The following GPHN variants were observed in gnomAD, a reference collection of about 807,000 sequenced individuals.
GPHN encodes gephyrin.
GPHN carries 17 observed loss-of-function variants against 95.5 expected under a neutral mutation model. That is an observed-to-expected ratio of 0.18 (90% CI 0.12 to 0.27). GPHN has a LOEUF of 0.27. Among genes scored for constraint, GPHN ranks in the 10% least tolerant of loss-of-function variants. The pLI is 1.00. For synonymous variants in GPHN, 320 were observed against 322.5 expected (o/e 0.99, Z 0.08); for missense variants, 660 against 978.1 (o/e 0.67, Z 4.34).
At chr14:67,390,686 G>A in the GPHN span, 1 of 1,613,516 alleles carries the variant, frequency 6.2e-7, no homozygotes, top group Non-Finnish European at 8.5e-7. Flanking sequence ...TAGTAATGCA[G>A]GAAAGCTGGA....
chr14:67,538,650 G>A, the GPHN span, among the ~76,000 whole-genome samples: 1 of 152,092 alleles, frequency 6.6e-6, no homozygotes, highest in South Asian at 2.1e-4. Flanking sequence ...TTGGCAGCAG[G>A]CACCCTGCTC....
At chr14:67,472,280 C>G in the GPHN span, 1 of 152,344 alleles carries the variant, frequency 6.6e-6, no homozygotes, top group Non-Finnish European at 1.5e-5. Context: ...CTCCATCAGT[C>G]TCCAATGCTG....
At chr14:67,394,523 C>T in the GPHN span, among the ~76,000 whole-genome samples, 1 of 152,196 alleles carries the variant, frequency 6.6e-6, no homozygotes, top group Non-Finnish European at 1.5e-5. Context: ...TGCCTACCCA[C>T]CTTTATCTGC....
the GPHN span, among the ~76,000 whole-genome samples, chr14:67,296,118 G>A: frequency 0.31 from 46,961 of 151,828 alleles, 11,106 homozygotes; most frequent in African/African-American, 0.64. Flanking sequence ...GAGGGGAATG[G>A]TGAGAAGAAG....
At chr14:67,522,763 C>T in the GPHN span, among the ~76,000 whole-genome samples, 2 of 152,218 alleles carry the variant, frequency 1.3e-5, no homozygotes, top group South Asian at 2.1e-4. Flanking sequence ...AAGCCTGGAG[C>T]GGGTGGTGAG....
intron 21 of GPHN, among the ~76,000 whole-genome samples, chr14:67,175,289 T>C (rs1286561747): frequency 6.6e-6 from 1 of 152,242 alleles, no homozygotes; most frequent in African/African-American, 2.4e-5. Flanking sequence ...TTCAGCTTTC[T>C]ACTTATGGCT....
At chr14:66,994,533 A>G (rs1322527456) in intron 9 of GPHN, among the ~76,000 whole-genome samples, 1 of 152,232 alleles carries the variant, frequency 6.6e-6, no homozygotes, top group Non-Finnish European at 1.5e-5. Context: ...CCTCCTCGGA[A>G]CTGACTTTAA....
At chr14:67,627,161 A>G in the GPHN span, among the ~76,000 whole-genome samples, 1 of 151,902 alleles carries the variant, frequency 6.6e-6, no homozygotes, top group African/African-American at 2.4e-5. Flanking sequence ...AATATATTAG[A>G]AAGCACTGAA....
At chr14:67,165,727 G>A (rs959694622) in intron 20 of GPHN, among the ~76,000 whole-genome samples, 2 of 152,148 alleles carry the variant, frequency 1.3e-5, no homozygotes, top group African/African-American at 4.8e-5. Flanking sequence ...GGAAAGGCCA[G>A]GCTACTGGAA....
chr14:67,330,374 C>A, the GPHN span, among the ~76,000 whole-genome samples: 1 of 151,354 alleles, frequency 6.6e-6, no homozygotes, highest in East Asian at 1.9e-4. Context: ...TCCCTCGAAA[C>A]AGTTCTTTAG....
At chr14:66,711,198 C>T (rs1289344505) in intron 2 of GPHN, among the ~76,000 whole-genome samples, 2 of 152,104 alleles carry the variant, frequency 1.3e-5, no homozygotes, top group Non-Finnish European at 1.5e-5. Flanking sequence ...CCCCCTCCAC[C>T]CTTACTCCCA....
intron 2 of GPHN, among the ~76,000 whole-genome samples, chr14:66,740,396 T>C (rs998416975): frequency 1.3e-5 from 2 of 152,142 alleles, no homozygotes; most frequent in African/African-American, 4.8e-5. Context: ...TAGTAAGATA[T>C]GTTATTTATT....
the GPHN span, chr14:67,557,410 G>T: frequency 6.2e-7 from 1 of 1,613,172 alleles, no homozygotes; most frequent in Non-Finnish European, 8.5e-7. Context: ...GGCTCAGCTG[G>T]AGAAGCAGGT....
chr14:67,316,996 C>T, the GPHN span: 2 of 977,000 alleles, frequency 2.0e-6, no homozygotes, highest in Admixed American at 5.1e-5. Flanking sequence ...TGAAGAAGTA[C>T]TCAGGGAAAG....
At chr14:67,650,441 G>A in the GPHN span, 4 of 418,154 alleles carry the variant, frequency 9.6e-6, no homozygotes, top group East Asian at 8.7e-5. Flanking sequence ...TTTCCAGAAC[G>A]CCTGACAATT....
At chr14:67,032,618 C>T (rs2074242670) in intron 10 of GPHN, among the ~76,000 whole-genome samples, 1 of 152,152 alleles carries the variant, frequency 6.6e-6, no homozygotes, top group Admixed American at 6.5e-5. Context: ...TGCAGACAGA[C>T]ACCATTGAGA....
chr14:67,144,856 A>G (rs1328401572), intron 18 of GPHN, among the ~76,000 whole-genome samples: 1 of 152,240 alleles, frequency 6.6e-6, no homozygotes, highest in East Asian at 1.9e-4. Context: ...CAGATGCTAA[A>G]AAGTTTGGAA....
chr14:67,584,187 G>C, the GPHN span: 1 of 1,562,452 alleles, frequency 6.4e-7, no homozygotes, highest in South Asian at 1.1e-5. Flanking sequence ...TCATGTTTGA[G>C]CCATACCAAT....
chr14:67,601,035 GA>G, the GPHN span, among the ~76,000 whole-genome samples: 1 of 152,248 alleles, frequency 6.6e-6, no homozygotes, highest in African/African-American at 2.4e-5. Flanking sequence ...CGATGTTGAT[GA>G]CAGTCTCTGC....
Sources: allele counts gnomAD v4.1 joint callset (sites outside exome capture counted in the v4.1 genomes callset), GRCh38; gene constraint gnomAD v4.1.1; transcripts MANE v1.5; gene names NCBI Gene and HGNC (gene_info 2026-07-23, HGNC 2026-07-21).